CCDC150: variants seen among roughly 807,000 people sequenced by gnomAD.
CCDC150 encodes coiled-coil domain containing 150, also known as coiled-coil domain-containing protein 150.
Under a neutral mutation model 156.5 loss-of-function variants are expected in CCDC150, and 151 were observed. That is an observed-to-expected ratio of 0.97 (90% CI 0.85 to 1.10). The LOEUF is 1.10. CCDC150 is among the 50% of genes least tolerant of loss of function. The pLI, the probability that CCDC150 is intolerant of heterozygous loss-of-function variation, is 0.00. For synonymous variants in CCDC150, 452 were observed against 429.4 expected (o/e 1.05, Z -0.65); for missense variants, 1,312 against 1,268.1 (o/e 1.03, Z -0.53).
chr2:196,674,273 A>G lies in CCDC150; in HGVS notation c.1062A>G (p.Ser354=). 6.2e-7 allele frequency: 1 copy of G among 1,602,498 alleles called. No individual in the cohort carries two copies. The highest frequency in any genetic ancestry group is 8.5e-7 in the Non-Finnish European group (1 of 1,173,972). ...VLNDQLTKKC[S]ELSCMLQTVT... is the part of the protein sequence containing the mutation. ...ATGACCAATTGACTAAAAAGTGTTC[A>G]GAGTTGAGCTGCATGCTTCAGACTG... Residue 354 remains serine (S), a synonymous_variant, in exon 10 of 28, where the codon TCA becomes TCG. Transcript: ENST00000389175.
At chr2:196,702,952 A>G (rs922214069) in intron 15 of CCDC150, among the ~76,000 whole-genome samples, 6 of 152,180 alleles carry the variant, frequency 3.9e-5, no homozygotes, top group African/African-American at 1.4e-4. Flanking sequence ...GAGACCAAAC[A>G]TAAGAGGCAG....
rs1553567365 is a variant in CCDC150, at chr2:196,721,361, T to TATACACACATATATAC, written c.2260-158_2260-157insCACACATATATACATA. On this transcript the variant is annotated intron_variant, in intron 20 of 27. Coordinates refer to ENST00000389175, the MANE Select transcript of CCDC150 (RefSeq NM_001080539.2). ...ATTCATATATGTGTGTGCATATATATATATATATTTTCCAGGCAGCTGGAA... is the reference window on the plus strand; with the variant it reads ...ATTCATATATGTGTGTGCATATATATATACACACATATATACATATATATTTTCCAGGCAGCTGGAA... Among the ~76,000 whole-genome samples, 29 of 49,832 alleles carry TATACACACATATATAC rather than the reference T, an allele frequency of 5.8e-4. 8 individuals carry two copies. Among genetic ancestry groups the TATACACACATATATAC allele is most frequent in the Admixed American group, 1.8e-3 (6 of 3,400 alleles). 32.7% of individuals were successfully genotyped at this position (49,832 alleles called of 152,430 possible).
intron 21 of CCDC150, 129 bp from the exon 22 acceptor site, chr2:196,725,844 C>T: frequency 5.5e-6 from 4 of 727,624 alleles, no homozygotes; most frequent in Non-Finnish European, 8.6e-6. Flanking sequence ...TGAGGTTCAC[C>T]AGGCTACTGA....
In CCDC150 at chr2:196,666,818, A is replaced by C. The variant is rs1400127156; in HGVS notation, c.862A>C (p.Ile288Leu). The C allele has an allele frequency of 3.7e-6, 6 of 1,613,414 alleles. No individual in the cohort carries two copies. The highest frequency in any genetic ancestry group is 2.2e-5 in the South Asian group (2 of 91,064). Reference protein sequence around the residue: ...QEQKKKEELEIATSQLKSDLT... With the variant: ...QEQKKKEELELATSQLKSDLT... ...ACAAAAAAAAAAAGAAGAGTTGGAG[A>C]TTGCTACTTCACAGCTCAAATCTGA... The change falls in exon 7 of 28, where the codon ATT (isoleucine) becomes CTT (leucine). Residue 288 changes from isoleucine (I) to leucine (L), a missense_variant. Transcript: ENST00000389175.
intron 14 of CCDC150, among the ~76,000 whole-genome samples, chr2:196,695,563 G>T (rs1430841996): frequency 2.0e-5 from 3 of 152,138 alleles, no homozygotes; most frequent in African/African-American, 4.8e-5. Context: ...CCTTCTCCAG[G>T]TGGGGCGCGG....
intron 13 of CCDC150, among the ~76,000 whole-genome samples, chr2:196,689,352 T>C (rs1352135848): frequency 5.3e-5 from 8 of 152,002 alleles, no homozygotes; most frequent in Non-Finnish European, 1.0e-4. Context: ...GCCATTTTCA[T>C]GATATTGATT....
intron 10 of CCDC150, among the ~76,000 whole-genome samples, chr2:196,674,614 G>T (rs1349063103): frequency 1.3e-5 from 2 of 150,218 alleles, no homozygotes; most frequent in Non-Finnish European, 3.0e-5. Context: ...TGGAGAACAC[G>T]TATGACTAAC....
At chr2:196,713,494 C>A in intron 17 of CCDC150, 1 of 1,550,696 alleles carries the variant, frequency 6.4e-7, no homozygotes, top group Non-Finnish European at 8.7e-7. Flanking sequence ...ACTCTACACG[C>A]CGTGTGAGCT....
chr2:196,657,273 T>C, intron 4 of CCDC150, 137 bp downstream of exon 4: 1 of 820,834 alleles, frequency 1.2e-6, no homozygotes, highest in Non-Finnish European at 1.9e-6. Context: ...GGCATGTTGA[T>C]TTGAGGATTC....
intron 14 of CCDC150, among the ~76,000 whole-genome samples, chr2:196,698,386 T>C (rs1187550075): frequency 1.3e-5 from 2 of 152,236 alleles, no homozygotes; most frequent in Non-Finnish European, 2.9e-5. Flanking sequence ...AAAGTATATT[T>C]AAAAGATTAA....
At chr2:196,647,844 A>G (rs1257163749) in intron 2 of CCDC150, among the ~76,000 whole-genome samples, 1 of 152,156 alleles carries the variant, frequency 6.6e-6, no homozygotes, top group African/African-American at 2.4e-5. Flanking sequence ...GTGGATGGCT[A>G]GAACTTATAC....
intron 13 of CCDC150, among the ~76,000 whole-genome samples, chr2:196,687,607 A>T (rs1229285942): frequency 6.6e-6 from 1 of 152,028 alleles, no homozygotes; most frequent in East Asian, 1.9e-4. Flanking sequence ...GTTTAATTAG[A>T]TCCCATTTGT....
chr2:196,731,236 G>A (rs950619208), intron 26 of CCDC150, among the ~76,000 whole-genome samples: 1 of 152,050 alleles, frequency 6.6e-6, no homozygotes, highest in Non-Finnish European at 1.5e-5. Context: ...GGATTTTAAT[G>A]CATTATTATT....
intron 2 of CCDC150, among the ~76,000 whole-genome samples, chr2:196,652,489 G>A (rs1245015991): frequency 6.6e-6 from 1 of 152,254 alleles, no homozygotes; most frequent in Non-Finnish European, 1.5e-5. Context: ...GGGCACACTG[G>A]TATGCCAGAT....
rs752923027 is a variant in CCDC150 at position 196,726,022 on chromosome 2, C to T, written c.2479C>T (p.Arg827Cys). The T allele has an allele frequency of 8.7e-6, 14 of 1,608,122 alleles. No individual in the cohort carries two copies. Among genetic ancestry groups the T allele is most frequent in the African/African-American group, 2.7e-5 (2 of 74,814 alleles). The change falls in exon 22 of 28, where the codon CGC (arginine) becomes TGC (cysteine). Residue 827 changes from arginine to cysteine, a missense_variant. Transcript: ENST00000389175. The stretch of plus-strand genomic sequence containing the variant: ...AGTGGAAGCAGAATTGCATGCTGAA[C>T]GCATAGAAGCTCTAAGAAAGCAGTT... ...SKVEAELHAE[R>C]IEALRKQFQT...
intron 15 of CCDC150, among the ~76,000 whole-genome samples, chr2:196,706,051 A>G (rs1180662236): frequency 2.6e-5 from 4 of 152,200 alleles, no homozygotes; most frequent in Admixed American, 1.3e-4. Context: ...TTTTGGTTCC[A>G]TATGAACTTT....
chr2:196,701,099 G>A lies in CCDC150; in HGVS notation c.1624-10G>A. The A allele has an allele frequency of 6.3e-7, 1 of 1,599,818 alleles. No individual in the cohort carries two copies. The highest frequency in any genetic ancestry group is 1.3e-5 in the African/African-American group (1 of 74,482). On this transcript the variant is annotated splice_polypyrimidine_tract_variant and intron_variant, in intron 14 of 27. Coordinates refer to ENST00000389175, the MANE Select transcript of CCDC150 (RefSeq NM_001080539.2). ...CCTAGAGGTTCTGATGCCTTTGTTT[G>A]CCTTATCAGCTTGCCCAACAGAAGG... is the stretch of plus-strand genomic sequence containing the variant.
At position 196,729,953 on chromosome 2, in the gene CCDC150, C is replaced by T. The variant is rs1003733717; in HGVS notation, c.2821-4C>T. 5.6e-6 allele frequency: 9 copies of T among 1,611,034 alleles called. No individual in the cohort carries two copies. The highest frequency in any genetic ancestry group is 2.7e-5 in the African/African-American group (2 of 74,848). On this transcript the variant is annotated splice_region_variant and splice_polypyrimidine_tract_variant and intron_variant, in intron 24 of 27. Coordinates refer to ENST00000389175, the MANE Select transcript of CCDC150 (RefSeq NM_001080539.2). ...CAAATGTCTCTGTCTTTGTATCCTT[C>T]CAGTCTTTGAGTATCCAGAGATTTG...
intron 15 of CCDC150, among the ~76,000 whole-genome samples, chr2:196,707,626 T>C (rs1696757327): frequency 6.6e-6 from 1 of 152,224 alleles, no homozygotes; most frequent in Admixed American, 6.5e-5. Flanking sequence ...AGATCTTTCC[T>C]GCTTTCTCTT....
Sources: allele counts gnomAD v4.1 joint callset (sites outside exome capture counted in the v4.1 genomes callset), GRCh38; gene constraint gnomAD v4.1.1; transcripts MANE v1.5; gene names NCBI Gene and HGNC (gene_info 2026-07-23, HGNC 2026-07-21).